The following DYSF variants were observed in gnomAD, a reference collection of about 807,000 sequenced individuals.
The protein encoded by DYSF is dystrophy-associated fer-1-like 1.
A neutral mutation model predicts 274.9 loss-of-function variants in DYSF; 212 were observed. The observed-to-expected ratio is 0.77, with a 90% CI of 0.69 to 0.86. The LOEUF (loss-of-function observed/expected upper bound fraction) is 0.86, where lower values mean the gene tolerates loss of function less well. Ranked by LOEUF, DYSF falls within the 40% of genes least tolerant of loss-of-function variation. The pLI, the probability that DYSF is intolerant of heterozygous loss-of-function variation, is 0.00. For synonymous variants in DYSF, 1,091 were observed against 1,078.7 expected (o/e 1.01, Z -0.22); for missense variants, 2,666 against 2,783.2 (o/e 0.96, Z 0.95).
At chr2:71,567,793 T>G (rs748810235) in intron 24 of DYSF, among the ~76,000 whole-genome samples, 158 bp from the exon 25 acceptor site, 1 of 152,146 alleles carries the variant, frequency 6.6e-6, no homozygotes, top group Non-Finnish European at 1.5e-5. Context: ...CACACTCCCC[T>G]TCTATGCAAT....
chr2:71,677,397 G>A (rs2152965834), intron 52 of DYSF, among the ~76,000 whole-genome samples: 1 of 152,236 alleles, frequency 6.6e-6, no homozygotes, highest in East Asian at 1.9e-4. Context: ...GGCAACCTAT[G>A]CTCCAATCCC....
chr2:71,676,684 A>G (rs1046819639), intron 52 of DYSF, among the ~76,000 whole-genome samples: 1 of 152,182 alleles, frequency 6.6e-6, no homozygotes, highest in Non-Finnish European at 1.5e-5. Context: ...GTTCAAAGTA[A>G]AGTTAAACAG....
At chr2:71,534,030 CA>C (rs2089039924) in intron 14 of DYSF, among the ~76,000 whole-genome samples, 1 of 151,840 alleles carries the variant, frequency 6.6e-6, no homozygotes, top group South Asian at 2.1e-4. Context: ...GCCCCACACC[CA>C]GCCCTGTGTG....
intron 1 of DYSF, among the ~76,000 whole-genome samples, chr2:71,455,255 G>A (rs2081011951): frequency 6.6e-6 from 1 of 152,186 alleles, no homozygotes; most frequent in Admixed American, 6.5e-5. Context: ...CATGAGCAAG[G>A]GATCATGTCA....
exon 1 of DYSF, chr2:71,453,782 C>A: frequency 1.7e-6 from 1 of 597,016 alleles, no homozygotes; most frequent in Non-Finnish European, 3.0e-6. Context: ...GGGGTGAGCG[C>A]AGCCGGGGCG....
At chr2:71,571,344 G>GCACACCCACAGAT (rs2092426232) in intron 29 of DYSF, among the ~76,000 whole-genome samples, 3 of 137,196 alleles carry the variant, frequency 2.2e-5, no homozygotes, top group Non-Finnish European at 4.7e-5. Context: ...CTCACACCCA[G>GCACACCCACAGAT]CACACCCACA....
intron 28 of DYSF, 27 bp from the exon 29 acceptor site, chr2:71,570,572 A>G: frequency 1.2e-6 from 2 of 1,612,204 alleles, no homozygotes; most frequent in Non-Finnish European, 1.7e-6. Context: ...CTGCCAAGCA[A>G]TGAGTGACCG....
At chr2:71,570,773 C>T (rs761377844) in intron 29 of DYSF, 32 bp downstream of exon 29, 2 of 1,612,308 alleles carry the variant, frequency 1.2e-6, no homozygotes, top group Non-Finnish European at 1.7e-6. Context: ...GGGAGTGAGG[C>T]CTGTGGTCAC....
intron 51 of DYSF, among the ~76,000 whole-genome samples, chr2:71,671,095 C>G (rs1022850665): frequency 6.6e-6 from 1 of 152,178 alleles, no homozygotes; most frequent in African/African-American, 2.4e-5. Context: ...CCCTTCCCAG[C>G]CTAACATGCA....
rs550111362 is a variant in DYSF at position 71,460,990 on chromosome 2, A to G, written c.88+6904A>G. The stretch of plus-strand genomic sequence containing the variant: ...AAGAAAAAAAGCTTTGTAATATCCA[A>G]AAGTCCCTCTAGGGGGCAGTACTAT... On this transcript the variant is annotated intron_variant, in intron 1 of 54. Transcript: ENST00000258104. 2.4e-4 allele frequency among the ~76,000 whole-genome samples: 37 copies of G among 152,236 alleles called. 1 individual carries two copies. The highest frequency in any genetic ancestry group is 2.2e-3 in the Admixed American group (33 of 15,290).
rs767310734 is a variant in DYSF at position 71,570,270 on chromosome 2, A to G, written c.3021A>G (p.Pro1007=). ...KVLPKDDIEC[P]LGWKWEDEEW... ...TTCCCAAGGATGACATTGAGTGCCCACTGGGCTGGAAGTGGGAAGATGAGG... is the reference window on the plus strand; with the variant it reads ...TTCCCAAGGATGACATTGAGTGCCCGCTGGGCTGGAAGTGGGAAGATGAGG... The change falls in exon 28 of 56, where the codon CCA becomes CCG. Residue 1007 remains proline, a synonymous_variant. Coordinates refer to ENST00000410020, the MANE Select transcript of DYSF (RefSeq NM_001130987.2). 2 of 1,614,136 alleles carry G rather than the reference A, an allele frequency of 1.2e-6. No homozygotes were observed. Among genetic ancestry groups the G allele is most frequent in the East Asian group, 4.5e-5 (2 of 44,874 alleles).
At chr2:71,618,383 G>A (rs1238655267) in intron 40 of DYSF, among the ~76,000 whole-genome samples, 19 of 40,510 alleles carry the variant, frequency 4.7e-4, no homozygotes, top group South Asian at 1.1e-3. Flanking sequence ...ATGTGTGGTA[G>A]AGGTGGTGTG....
intron 41 of DYSF, among the ~76,000 whole-genome samples, chr2:71,643,459 A>G (rs1409340807): frequency 6.6e-6 from 1 of 152,190 alleles, no homozygotes; most frequent in East Asian, 1.9e-4. Context: ...CTGATTTCCA[A>G]TGCTTCCTTT....
Position 71,583,998 on chromosome 2 carries a change from C to T in DYSF, c.3403-5595C>T, listed in dbSNP as rs1408065006. ...GCAGCGGGTTGGAGGCCACCCAGTT[C>T]CCTGGACAAGCAGCAAGATCCCTTA... On this transcript the variant is annotated intron_variant, in intron 30 of 55. Transcript: ENST00000410020. 2.6e-5 allele frequency among the ~76,000 whole-genome samples: 4 copies of T among 152,142 alleles called. No homozygotes were observed. The East Asian group carries it at 7.7e-4, about 29-fold the overall frequency.
At position 71,656,296 on chromosome 2, in the gene DYSF, T is replaced by C. The variant is rs778837009; in HGVS notation, c.4755+6T>C. On this transcript the variant is annotated splice_donor_region_variant and intron_variant, in intron 43 of 55. Transcript: ENST00000410020. ...CTGTGATTGGTGAATTTAAGGTAAA[T>C]CCTCGAAGACGTCCCTAACCCAGGT... 6.2e-7 allele frequency: 1 copy of C among 1,613,812 alleles called. No homozygotes were observed. The highest frequency in any genetic ancestry group is 1.7e-5 in the Admixed American group (1 of 60,014).
In DYSF at chr2:71,675,568, C is replaced by A. The variant is rs563888329; in HGVS notation, c.5884+1272C>A. ...CTTGACTGTTCCCCCGCCCTGCGCA[C>A]CTGGCCTGGCCAAATGCCCAGAGAA... On this transcript the variant is annotated intron_variant, in intron 52 of 55. Transcript: ENST00000410020. Among the ~76,000 whole-genome samples the A allele has an allele frequency of 1.4e-4, 21 of 152,302 alleles. No individual in the cohort carries two copies. In the South Asian group the frequency reaches 4.4e-3, roughly 32 times the overall value.
intron 11 of DYSF, 74 bp downstream of exon 11, chr2:71,520,282 C>A: frequency 6.8e-7 from 1 of 1,473,136 alleles, no homozygotes; most frequent in South Asian, 1.1e-5. Context: ...CATTTGGGGT[C>A]CTCACTGTCC....
intron 1 of DYSF, among the ~76,000 whole-genome samples, chr2:71,474,937 A>G (rs1558947179): frequency 6.6e-6 from 1 of 152,192 alleles, no homozygotes; most frequent in Non-Finnish European, 1.5e-5. Context: ...GATCTGTGAT[A>G]GGGGAGGGGA....
chr2:71,577,678 A>C (rs200241540), intron 30 of DYSF, among the ~76,000 whole-genome samples: 1 of 148,456 alleles, frequency 6.7e-6, no homozygotes, highest in African/African-American at 2.5e-5. Flanking sequence ...ACCCACACAC[A>C]CTCTTTCACA....
Sources: allele counts gnomAD v4.1 joint callset (sites outside exome capture counted in the v4.1 genomes callset), GRCh38; gene constraint gnomAD v4.1.1; transcripts MANE v1.5; gene names NCBI Gene and HGNC (gene_info 2026-07-23, HGNC 2026-07-21).